The following ACTR3C variants were observed in gnomAD, a reference collection of about 807,000 sequenced individuals.
ACTR3C encodes the protein actin related protein 3C, also known as actin-related protein 3C.
A neutral mutation model predicts 26.3 loss-of-function variants in ACTR3C; 18 were observed. That is an observed-to-expected ratio of 0.68 (90% CI 0.47 to 1.01). The LOEUF (loss-of-function observed/expected upper bound fraction) is 1.01, where lower values mean the gene tolerates loss of function less well. Among genes scored for constraint, ACTR3C ranks in the 50% least tolerant of loss-of-function variants. The probability of loss-of-function intolerance (pLI) is 0.00; values close to 1 mark genes in which losing one functional copy is unlikely to be tolerated. For missense variants in ACTR3C, 184 were observed against 250.7 expected (o/e 0.73, Z 1.80); for synonymous variants, 55 against 94.5 (o/e 0.58, Z 2.42).
At chr7:150,232,179 A>G in the ACTR3C span, among the ~76,000 whole-genome samples, 2 of 152,204 alleles carry the variant, frequency 1.3e-5, no homozygotes, top group African/African-American at 2.4e-5. Context: ...CACAACTAAT[A>G]AAGTTCTATG....
chr7:150,143,300 T>C, the ACTR3C span, among the ~76,000 whole-genome samples: 3 of 152,096 alleles, frequency 2.0e-5, no homozygotes, highest in Non-Finnish European at 4.4e-5. Context: ...AGCTGGCCTA[T>C]AAATATTAAT....
the ACTR3C span, among the ~76,000 whole-genome samples, chr7:150,192,090 G>A: frequency 1.3e-5 from 2 of 150,870 alleles, no homozygotes; most frequent in African/African-American, 2.4e-5. Flanking sequence ...TGGTTGTGAT[G>A]TGTTACTCTT....
At chr7:150,225,319 A>G in the ACTR3C span, among the ~76,000 whole-genome samples, 1 of 152,206 alleles carries the variant, frequency 6.6e-6, no homozygotes, top group African/African-American at 2.4e-5. Context: ...AAATATTTCT[A>G]TATTTAATGG....
the ACTR3C span, among the ~76,000 whole-genome samples, chr7:150,116,984 C>T: frequency 3.3e-5 from 5 of 152,120 alleles, no homozygotes; most frequent in African/African-American, 7.2e-5. Flanking sequence ...CAAGGGGTCA[C>T]GGAACTCCCT....
chr7:150,038,827 G>T, the ACTR3C span, among the ~76,000 whole-genome samples: 883 of 140,066 alleles, frequency 6.3e-3, 57 homozygotes, highest in African/African-American at 0.023. Flanking sequence ...CTGCGATGGG[G>T]GTCCTAAGAG....
At chr7:150,166,996 T>C in the ACTR3C span, among the ~76,000 whole-genome samples, 31 of 143,728 alleles carry the variant, frequency 2.2e-4, 1 homozygote, top group African/African-American at 8.7e-4. Context: ...TTGTATTTTA[T>C]GGCTGACTAG....
intron 3 of ACTR3C, among the ~76,000 whole-genome samples, 165 bp downstream of exon 3, chr7:150,293,147 T>C (rs1272752871): frequency 1.3e-5 from 2 of 151,932 alleles, no homozygotes; most frequent in Non-Finnish European, 2.9e-5. Flanking sequence ...AATTCCTTTA[T>C]ATAAGGTGGC....
chr7:150,077,586 A>T, the ACTR3C span, among the ~76,000 whole-genome samples: 2 of 152,078 alleles, frequency 1.3e-5, no homozygotes, highest in Admixed American at 6.6e-5. Context: ...TCCAGAGGTC[A>T]TCCTAGCTTA....
the ACTR3C span, among the ~76,000 whole-genome samples, chr7:149,963,385 G>A: frequency 2.0e-5 from 3 of 152,196 alleles, no homozygotes; most frequent in African/African-American, 7.2e-5. Flanking sequence ...AAGTGAGGAA[G>A]TCGAAGGAGA....
At chr7:150,039,785 A>G in the ACTR3C span, among the ~76,000 whole-genome samples, 1,337 of 127,570 alleles carry the variant, frequency 0.01, 8 homozygotes, top group African/African-American at 0.038. Flanking sequence ...CCAGGGGGGG[A>G]AGAGGGACTG....
the ACTR3C span, among the ~76,000 whole-genome samples, chr7:150,043,518 A>G: frequency 6.6e-6 from 1 of 152,226 alleles, no homozygotes; most frequent in Non-Finnish European, 1.5e-5. Flanking sequence ...AAACAGTAAT[A>G]TTAGTAACAG....
At chr7:150,056,640 GCAA>G in the ACTR3C span, among the ~76,000 whole-genome samples, 3 of 151,888 alleles carry the variant, frequency 2.0e-5, no homozygotes, top group South Asian at 6.3e-4. Context: ...ACTCACAGCA[GCAA>G]CAACAGTGAC....
chr7:150,091,851 G>A, the ACTR3C span, among the ~76,000 whole-genome samples: 7 of 150,766 alleles, frequency 4.6e-5, no homozygotes, highest in East Asian at 9.7e-4. Context: ...AGCCGGGCGT[G>A]GTGGCGGGCG....
the ACTR3C span, among the ~76,000 whole-genome samples, chr7:150,060,059 G>A: frequency 1.3e-5 from 2 of 152,176 alleles, no homozygotes; most frequent in Non-Finnish European, 2.9e-5. Context: ...AATTGCATAT[G>A]GGAGAGGCAA....
At chr7:150,211,502 A>G in the ACTR3C span, among the ~76,000 whole-genome samples, 1 of 151,544 alleles carries the variant, frequency 6.6e-6, no homozygotes. Flanking sequence ...GCTCATCTTG[A>G]ACTCGTGGAC....
chr7:150,314,761 C>G (rs1400637121), intron 1 of ACTR3C, among the ~76,000 whole-genome samples: 1 of 147,522 alleles, frequency 6.8e-6, no homozygotes, highest in African/African-American at 2.5e-5. Flanking sequence ...ATGGCAAAAT[C>G]CCATCTCTCC....
the ACTR3C span, among the ~76,000 whole-genome samples, chr7:150,028,303 T>C: frequency 6.6e-6 from 1 of 152,276 alleles, no homozygotes; most frequent in Non-Finnish European, 1.5e-5. Context: ...ATGTGTGGCA[T>C]TGACATCTTT....
the ACTR3C span, among the ~76,000 whole-genome samples, chr7:150,201,775 C>CT: frequency 6.6e-6 from 1 of 151,590 alleles, no homozygotes; most frequent in South Asian, 2.1e-4. Flanking sequence ...AAGTTTCTCA[C>CT]TTTTTTGAAA....
At chr7:150,320,104 A>C (rs1797349796) in intron 1 of ACTR3C, among the ~76,000 whole-genome samples, 3 of 152,240 alleles carry the variant, frequency 2.0e-5, no homozygotes, top group Admixed American at 2.0e-4. Flanking sequence ...CATAGTGTGG[A>C]TCCCATGTAA....
Sources: gnomAD v4.1 joint callset for allele counts (sites outside exome capture counted in the v4.1 genomes callset) on GRCh38, gnomAD v4.1.1 for gene constraint, MANE v1.5 for transcripts, NCBI Gene and HGNC (gene_info 2026-07-23, HGNC 2026-07-21) for gene names.